ALDH1L1: variants seen among roughly 807,000 people sequenced by gnomAD.
ALDH1L1 encodes the protein aldehyde dehydrogenase 1 family member L1.
In ALDH1L1, 68 loss-of-function variants were observed where a neutral mutation model predicts 101.1. The ratio of observed to expected loss-of-function variants is 0.67; its 90% CI spans 0.55 to 0.82. The LOEUF is 0.82. ALDH1L1 is among the 40% of genes least tolerant of loss of function. The pLI, the probability that ALDH1L1 is intolerant of heterozygous loss-of-function variation, is 0.00. For synonymous variants in ALDH1L1, 486 were observed against 470.8 expected (o/e 1.03, Z -0.42); for missense variants, 1,087 against 1,172.7 (o/e 0.93, Z 1.07).
At chr3:126,153,075 G>A in intron 7 of ALDH1L1, 1 of 345,924 alleles carries the variant, frequency 2.9e-6, no homozygotes, top group East Asian at 7.3e-5. Context: ...GAGGCTTAAT[G>A]ACCCCACACC....
chr3:126,152,325 T>C (rs916015364), intron 7 of ALDH1L1: 5 of 152,240 alleles, frequency 3.3e-5, no homozygotes, highest in African/African-American at 1.2e-4. Flanking sequence ...CCTTACTGCC[T>C]CGCATGATTT....
rs2080788278 is a variant in ALDH1L1, at chr3:126,150,518, T to C, written c.872A>G (p.Asn291Ser). 6.4e-6 allele frequency: 10 copies of C among 1,551,134 alleles called. No homozygotes were observed. The highest frequency in any genetic ancestry group is 8.7e-6 in the Non-Finnish European group (10 of 1,146,770). ...GNDDKMLLVK[N>S]IQLEDGKMIL... ...CATTTTGCCATCCTCCAGCTGAATATTCTTCACCAGCAGCTGCAAAAGGAA... is the reference window on the plus strand; with the variant it reads ...CATTTTGCCATCCTCCAGCTGAATACTCTTCACCAGCAGCTGCAAAAGGAA... The change falls in exon 8 of 23, where the codon AAT (asparagine) becomes AGT (serine). Residue 291 changes from asparagine to serine, a missense_variant. Physicochemically the swap from Asn to Ser is conservative, Grantham distance 46. Transcript: ENST00000393434.
chr3:126,150,499 G>C lies in ALDH1L1; in HGVS notation c.891C>G (p.Gly297=). 6.4e-7 allele frequency: 1 copy of C among 1,551,540 alleles called. No individual in the cohort carries two copies. The highest frequency in any genetic ancestry group is 1.4e-5 in the African/African-American group (1 of 73,178). The change falls in exon 8 of 23, where the codon GGC becomes GGG. Residue 297 remains glycine (G), a synonymous_variant. Transcript: ENST00000393434. ...LLVKNIQLED[G]KMILASNFFK... Reference sequence around the variant, plus strand: ...AGAAGTTCGAGGCCAGGATCATTTTGCCATCCTCCAGCTGAATATTCTTCA... The same window carrying C: ...AGAAGTTCGAGGCCAGGATCATTTTCCCATCCTCCAGCTGAATATTCTTCA...
At chr3:126,106,361 T>G (rs1576403379) in intron 21 of ALDH1L1, among the ~76,000 whole-genome samples, 1 of 152,088 alleles carries the variant, frequency 6.6e-6, no homozygotes, top group East Asian at 1.9e-4. Context: ...ATTTCTGGGG[T>G]TTTTTTGGTA....
Position 126,157,574 on chromosome 3 carries a change from G to T in ALDH1L1, c.363-66C>A, listed in dbSNP as rs1370106325. 7 of 1,551,496 alleles carry T rather than the reference G, an allele frequency of 4.5e-6. No individual in the cohort carries two copies. In the African/African-American group the frequency reaches 9.5e-5, roughly 21 times the overall value. On this transcript the variant is annotated intron_variant, in intron 3 of 22. Transcript: ENST00000393434. ...GGCCACGGAGGATGTCCTGGGTACA[G>T]GCCCGTGGACCTGCCACCCTCCAGG...
intron 12 of ALDH1L1, chr3:126,135,277 C>T (rs577895359): frequency 5.6e-6 from 2 of 355,940 alleles, no homozygotes; most frequent in African/African-American, 2.2e-5. Context: ...TTCCGCACCT[C>T]CTCACCTCCA....
intron 1 of ALDH1L1, among the ~76,000 whole-genome samples, chr3:126,191,587 G>C (rs1044727526): frequency 6.6e-6 from 1 of 152,204 alleles, no homozygotes; most frequent in Non-Finnish European, 1.5e-5. Flanking sequence ...CTCATACAAT[G>C]GTGAGATGGT....
At chr3:126,108,238 C>T (rs1281445148) in intron 20 of ALDH1L1, among the ~76,000 whole-genome samples, 1 of 152,180 alleles carries the variant, frequency 6.6e-6, no homozygotes, top group Non-Finnish European at 1.5e-5. Flanking sequence ...CTTGTACTCT[C>T]CCCTGTCCCC....
In ALDH1L1 at chr3:126,155,429, C is replaced by T. The variant is rs1390782054; in HGVS notation, c.603G>A (p.Glu201=). The change falls in exon 5 of 23, where the codon GAG becomes GAA. Residue 201 remains glutamate (E), a synonymous_variant. Transcript: ENST00000393434. ...TGGCTGTCTCCTTCTTCTGAATCCC[C>T]TCATAGGTGGCTCCTTCCTCAGGCT... ...LPQPEEGATY[E]GIQKKETAKI... is the part of the protein sequence containing the mutation. The T allele has an allele frequency of 9.3e-6, 15 of 1,613,080 alleles. No homozygotes were observed. Among genetic ancestry groups the T allele is most frequent in the Middle Eastern group, 1.7e-4 (1 of 6,058 alleles).
At chr3:126,172,720 C>T (rs1324436610) in intron 1 of ALDH1L1, among the ~76,000 whole-genome samples, 2 of 151,986 alleles carry the variant, frequency 1.3e-5, no homozygotes, top group African/African-American at 4.8e-5. Flanking sequence ...AACCAAGATC[C>T]AAGCAGCTCA....
Position 126,104,081 on chromosome 3 carries a change from C to T in ALDH1L1, c.2654-235G>A, listed in dbSNP as rs902498643. On this transcript the variant is annotated intron_variant, in intron 22 of 22. Transcript: ENST00000393434. Reference sequence around the variant, plus strand: ...CAATCTGAGGCAGCCATTTAAGAATCTTCCCCAGCTCCCACCGCCTTGTCT... The same window carrying T: ...CAATCTGAGGCAGCCATTTAAGAATTTTCCCCAGCTCCCACCGCCTTGTCT... 3.7e-5 allele frequency: 22 copies of T among 586,810 alleles called. No individual in the cohort carries two copies. The Admixed American group carries it at 3.9e-4, about 10-fold the overall frequency. The allele number at this position is 586,810 out of a possible 1,614,324, so 36.4% of individuals were successfully genotyped here.
intron 1 of ALDH1L1, among the ~76,000 whole-genome samples, chr3:126,162,996 G>C (rs183003344): frequency 6.6e-6 from 1 of 152,272 alleles, no homozygotes; most frequent in African/African-American, 2.4e-5. Context: ...ACTTTAGTCA[G>C]TTTGTCTATC....
In ALDH1L1 at chr3:126,103,799, C is replaced by G. The variant is rs550440307; in HGVS notation, c.2701G>C (p.Glu901Gln). The G allele has an allele frequency of 2.4e-5, 39 of 1,613,580 alleles. No individual in the cohort carries two copies. The South Asian group carries it at 4.0e-4, about 16-fold the overall frequency. The change falls in exon 23 of 23, where the codon GAA (glutamate) becomes CAA (glutamine). Residue 901 changes from glutamate (E) to glutamine (Q), a missense_variant. This residue lies in a region of ALDH1L1 where 442 missense variants were observed against 535.7 expected (regional missense o/e 0.83). Coordinates refer to ENST00000393434, the MANE Select transcript of ALDH1L1 (RefSeq NM_012190.4). ...CTCACAAAGACCTTTCTTCAGTATTCGAAGGTCACTGTCTTGACCCGCAGG... is the reference window on the plus strand; with the variant it reads ...CTCACAAAGACCTTTCTTCAGTATTGGAAGGTCACTGTCTTGACCCGCAGG... ...EYLRVKTVTF[E>Q]Y
chr3:126,142,569 C>T (rs574335557), intron 9 of ALDH1L1, among the ~76,000 whole-genome samples: 1 of 152,280 alleles, frequency 6.6e-6, no homozygotes, highest in South Asian at 2.1e-4. Context: ...TAACATACCA[C>T]ATTAATGGAA....
chr3:126,114,379 G>A (rs1946170118), intron 18 of ALDH1L1, among the ~76,000 whole-genome samples, 178 bp downstream of exon 18: 1 of 152,158 alleles, frequency 6.6e-6, no homozygotes, highest in Non-Finnish European at 1.5e-5. Flanking sequence ...TATGTTTGGA[G>A]GGCACACGTC....
intron 9 of ALDH1L1, among the ~76,000 whole-genome samples, chr3:126,143,719 G>T (rs2080615209): frequency 6.6e-6 from 1 of 152,194 alleles, no homozygotes; most frequent in South Asian, 2.1e-4. Flanking sequence ...ACTGTGGGAG[G>T]ATCACTTGAG....
At chr3:126,143,418 A>G (rs575860530) in intron 9 of ALDH1L1, among the ~76,000 whole-genome samples, 1 of 152,320 alleles carries the variant, frequency 6.6e-6, no homozygotes, top group South Asian at 2.1e-4. Context: ...AGATTTCATC[A>G]TTCTATCAAA....
upstream of ALDH1L1, among the ~76,000 whole-genome samples, chr3:126,182,621 G>A (rs545974201): frequency 1.3e-5 from 2 of 152,278 alleles, no homozygotes; most frequent in East Asian, 1.9e-4. Context: ...AGTGTTAGGG[G>A]CCTGCAATGG....
intron 9 of ALDH1L1, among the ~76,000 whole-genome samples, chr3:126,141,880 G>T (rs2080575511): frequency 6.7e-6 from 1 of 148,622 alleles, no homozygotes; most frequent in Non-Finnish European, 1.5e-5. Context: ...ATAGAGACCA[G>T]AAAAAAAAAC....
Sources: allele counts gnomAD v4.1 joint callset (sites outside exome capture counted in the v4.1 genomes callset), GRCh38; gene constraint gnomAD v4.1.1; regional missense constraint gnomAD v4.1.1; transcripts MANE v1.5; gene names NCBI Gene and HGNC (gene_info 2026-07-23, HGNC 2026-07-21).